Variants in LRRFIP2 observed in about 807,000 individuals in gnomAD.
LRRFIP2 encodes the protein leucine-rich repeat flightless-interacting protein 2.
LRRFIP2 carries 109 observed loss-of-function variants against 125.9 expected under a neutral mutation model. The observed-to-expected ratio is 0.87, with a 90% CI of 0.74 to 1.01. The LOEUF is 1.01. Among genes scored for constraint, LRRFIP2 ranks in the 50% least tolerant of loss-of-function variants. LRRFIP2 has a pLI of 0.00. For synonymous variants in LRRFIP2, 291 were observed against 293.1 expected, an observed-to-expected ratio of 0.99 and a Z score of 0.07; for missense variants, 850 against 862.3, an observed-to-expected ratio of 0.99 and a Z score of 0.18.
At chr3:37,105,350 C>T (rs546146315) in intron 14 of LRRFIP2, 105 bp downstream of exon 14, 42 of 911,708 alleles carry the variant, frequency 4.6e-5, no homozygotes, top group Non-Finnish European at 6.0e-5. Flanking sequence ...GAGGAAAATG[C>T]TCTTTTTGTC....
chr3:37,099,128 T>C (rs1576535978), intron 15 of LRRFIP2, among the ~76,000 whole-genome samples: 1 of 152,182 alleles, frequency 6.6e-6, no homozygotes, highest in African/African-American at 2.4e-5. Flanking sequence ...ACCTCGGAGA[T>C]TGTCAAGCCA....
intron 16 of LRRFIP2, among the ~76,000 whole-genome samples, chr3:37,096,228 A>G (rs1437129839): frequency 6.6e-6 from 1 of 152,204 alleles, no homozygotes; most frequent in Non-Finnish European, 1.5e-5. Flanking sequence ...AGCAAATTCT[A>G]GAAAGGAGTT....
At chr3:37,124,821 T>C (rs2095213013) in intron 4 of LRRFIP2, among the ~76,000 whole-genome samples, 1 of 152,190 alleles carries the variant, frequency 6.6e-6, no homozygotes, top group Non-Finnish European at 1.5e-5. Flanking sequence ...ACAAAAAGCT[T>C]CATTTGCCAG....
Position 37,129,129 on chromosome 3 carries a change from T to C in LRRFIP2, c.111A>G (p.Ala37=). The C allele has an allele frequency of 6.2e-7, 1 of 1,614,038 alleles. No individual in the cohort carries two copies. The highest frequency in any genetic ancestry group is 8.5e-7 in the Non-Finnish European group (1 of 1,180,008). Residue 37 remains alanine, a synonymous_variant, in exon 3 of 28, where the codon GCA becomes GCG. Transcript: ENST00000336686. ...IAREAEARLA[A]KRAARAEARD... ...TTGCTTCTGCCCGGGCAGCCCGTTT[T>C]GCTGCCAGCCTTGCCTCTGCCTGAA...
At chr3:37,141,271 CT>C (rs1310717114) in intron 2 of LRRFIP2, among the ~76,000 whole-genome samples, 1 of 152,324 alleles carries the variant, frequency 6.6e-6, no homozygotes, top group East Asian at 1.9e-4. Flanking sequence ...AGGATTTACC[CT>C]TTAATGGCTC....
intron 19 of LRRFIP2, among the ~76,000 whole-genome samples, chr3:37,077,377 C>A (rs779892155): frequency 2.0e-5 from 3 of 152,100 alleles, no homozygotes; most frequent in Non-Finnish European, 2.9e-5. Context: ...TATCTCTATA[C>A]AACATTCATA....
In LRRFIP2 at chr3:37,065,791, A is replaced by C; in HGVS notation, c.1699+19T>G. The C allele has an allele frequency of 6.2e-7, 1 of 1,614,108 alleles. No individual in the cohort carries two copies. Among genetic ancestry groups the C allele is most frequent in the African/African-American group, 1.3e-5 (1 of 75,052 alleles). On this transcript the variant is annotated intron_variant, in intron 23 of 27. Transcript: ENST00000336686. ...TAGGGTAACATTAATCCAAGTCAAC[A>C]TAGCAACCAGTATCTTACCTAATGG...
chr3:37,134,515 T>C (rs2095508997), intron 2 of LRRFIP2: 2 of 362,850 alleles, frequency 5.5e-6, no homozygotes, highest in Non-Finnish European at 1.1e-5. Context: ...ATGAGAGTCG[T>C]CTCCACAATA....
upstream of LRRFIP2, chr3:37,176,071 C>G (rs2096659453): frequency 2.0e-5 from 3 of 152,368 alleles, no homozygotes; most frequent in South Asian, 6.2e-4. Context: ...TGTGTTAGGG[C>G]GCGCGCTGCG....
At chr3:37,094,994 G>T in intron 16 of LRRFIP2, 86 bp from the exon 17 acceptor site, 1 of 850,312 alleles carries the variant, frequency 1.2e-6, no homozygotes, top group Non-Finnish European at 2.0e-6. Flanking sequence ...AGGGTGGTTG[G>T]GGGAAGATGT....
chr3:37,175,972 G>T (rs2096657344), upstream of LRRFIP2: 1 of 152,226 alleles, frequency 6.6e-6, no homozygotes, highest in South Asian at 2.1e-4. Context: ...AGGCGGCGCG[G>T]ATCCCACGGG....
chr3:37,165,036 C>T (rs1291554573), intron 1 of LRRFIP2, among the ~76,000 whole-genome samples: 1 of 151,512 alleles, frequency 6.6e-6, no homozygotes, highest in East Asian at 2.0e-4. Context: ...GAGATCGAGA[C>T]CATCCTGGCT....
intron 8 of LRRFIP2, 115 bp from the exon 9 acceptor site, chr3:37,111,180 T>C (rs1218239684): frequency 4.5e-6 from 3 of 660,678 alleles, no homozygotes; most frequent in Non-Finnish European, 7.8e-6. Flanking sequence ...AAATCCCTTC[T>C]TCTCCAAAAT....
At chr3:37,106,796 G>C (rs2094347416) in intron 13 of LRRFIP2, among the ~76,000 whole-genome samples, 1 of 152,148 alleles carries the variant, frequency 6.6e-6, no homozygotes, top group Admixed American at 6.5e-5. Context: ...TTACCTTGCA[G>C]ATTTACCCAT....
rs10849 is a variant in LRRFIP2 at position 37,053,579 on chromosome 3, C to T, written c.*272G>A. The T allele has an allele frequency of 0.47, 166,125 of 351,748 alleles. 42,197 individuals carry two copies. The highest frequency in any genetic ancestry group is 0.6 in the African/African-American group (28,029 of 47,098). The allele number at this position is 351,748 out of a possible 1,614,324, so 21.8% of individuals were successfully genotyped here. A position where few individuals can be genotyped will look rare whatever the true frequency, so the allele number is the denominator to read the frequency against. Reference sequence around the variant, plus strand: ...AGTTACTGAGGCAGCTGGGGAAAAACGTTGAGTAAACATGATTCTACAATT... The same window carrying T: ...AGTTACTGAGGCAGCTGGGGAAAAATGTTGAGTAAACATGATTCTACAATT... On this transcript the variant is annotated 3_prime_UTR_variant, in exon 28 of 28. Transcript: ENST00000336686.
intron 18 of LRRFIP2, 62 bp downstream of exon 18, chr3:37,091,405 G>A: frequency 1.5e-6 from 2 of 1,375,560 alleles, no homozygotes; most frequent in Non-Finnish European, 2.0e-6. Flanking sequence ...AACTTGCAAA[G>A]CCACCATTGC....
chr3:37,134,051 G>A (rs1460318707), intron 2 of LRRFIP2, among the ~76,000 whole-genome samples: 5 of 151,918 alleles, frequency 3.3e-5, no homozygotes, highest in East Asian at 1.9e-4. Flanking sequence ...GCATGGTAGC[G>A]CTTGCCTGTA....
chr3:37,061,827 C>G (rs2088839443), intron 24 of LRRFIP2, among the ~76,000 whole-genome samples: 1 of 152,106 alleles, frequency 6.6e-6, no homozygotes, highest in African/African-American at 2.4e-5. Context: ...AGTCATATAC[C>G]AGATCTCATC....
chr3:37,072,911 T>G, intron 20 of LRRFIP2, 29 bp from the exon 21 acceptor site: 2 of 1,428,614 alleles, frequency 1.4e-6, no homozygotes. Context: ...AGAGAAGTAA[T>G]AAAAGAGCAG....
Sources: allele counts gnomAD v4.1 joint callset (sites outside exome capture counted in the v4.1 genomes callset), GRCh38; gene constraint gnomAD v4.1.1; transcripts MANE v1.5; gene names NCBI Gene and HGNC (gene_info 2026-07-23, HGNC 2026-07-21).